BANK1: variants seen among roughly 807,000 people sequenced by gnomAD.
BANK1 encodes B cell scaffold protein with ankyrin repeats 1.
Under a neutral mutation model 94.5 loss-of-function variants are expected in BANK1, and 95 were observed. The ratio of observed to expected loss-of-function variants is 1.00; its 90% CI spans 0.85 to 1.19. BANK1 has a LOEUF of 1.19. BANK1 is among the 50% of genes most tolerant of loss of function. The probability of loss-of-function intolerance (pLI) is 0.00; values close to 1 mark genes in which losing one functional copy is unlikely to be tolerated. For missense variants in BANK1, 987 were observed against 932.2 expected (o/e 1.06, Z -0.77); for synonymous variants, 334 against 308.4 (o/e 1.08, Z -0.87).
chr4:101,875,411 T>C (rs1728451071), intron 5 of BANK1, among the ~76,000 whole-genome samples: 1 of 152,200 alleles, frequency 6.6e-6, no homozygotes, highest in Non-Finnish European at 1.5e-5. Context: ...CTCACAGTTC[T>C]TGTGGCGGGA....
At chr4:101,948,747 G>A (rs998347652) in intron 7 of BANK1, among the ~76,000 whole-genome samples, 4 of 152,012 alleles carry the variant, frequency 2.6e-5, no homozygotes, top group African/African-American at 9.7e-5. Flanking sequence ...CTACTAATGT[G>A]TAAGAAACAT....
chr4:101,944,281 A>G (rs893016107), intron 7 of BANK1, among the ~76,000 whole-genome samples: 1 of 151,906 alleles, frequency 6.6e-6, no homozygotes, highest in African/African-American at 2.4e-5. Flanking sequence ...AAGAGTGTGT[A>G]AAACTATAGT....
At chr4:101,794,263 C>T (rs1725082703) in intron 1 of BANK1, among the ~76,000 whole-genome samples, 1 of 151,870 alleles carries the variant, frequency 6.6e-6, no homozygotes, top group Admixed American at 6.6e-5. Flanking sequence ...AAATAAGCAT[C>T]AAACAGAAAA....
At chr4:101,902,878 G>T (rs1194244851) in intron 6 of BANK1, among the ~76,000 whole-genome samples, 1 of 152,218 alleles carries the variant, frequency 6.6e-6, no homozygotes, top group African/African-American at 2.4e-5. Context: ...TGTGAGTGAT[G>T]TAAAAAGGGT....
intron 10 of BANK1, among the ~76,000 whole-genome samples, chr4:102,043,609 G>A (rs537209296): frequency 6.6e-6 from 1 of 152,148 alleles, no homozygotes; most frequent in East Asian, 1.9e-4. Flanking sequence ...ATGAGGCATT[G>A]CATCAGCATT....
intron 6 of BANK1, among the ~76,000 whole-genome samples, chr4:101,896,692 G>A (rs72916123): frequency 4.8e-4 from 73 of 151,648 alleles, no homozygotes; most frequent in African/African-American, 1.7e-3. Context: ...AATTTAATTG[G>A]AAAAACAAAT....
At chr4:101,917,720 A>G (rs1428250901) in intron 6 of BANK1, among the ~76,000 whole-genome samples, 7 of 151,190 alleles carry the variant, frequency 4.6e-5, no homozygotes, top group Admixed American at 4.6e-4. Flanking sequence ...TTTTTTTTTC[A>G]TTTAAGAGGT....
chr4:101,976,926 T>A (rs1461484112), intron 7 of BANK1: 1 of 152,162 alleles, frequency 6.6e-6, no homozygotes, highest in Non-Finnish European at 1.5e-5. Flanking sequence ...TTTATTTCTA[T>A]TATAACAAAA....
chr4:101,998,700 A>T (rs1725961392), intron 7 of BANK1, among the ~76,000 whole-genome samples: 1 of 152,162 alleles, frequency 6.6e-6, no homozygotes, highest in African/African-American at 2.4e-5. Context: ...TTGTTGGTCT[A>T]AAGTCCATTT....
At chr4:101,949,249 C>T (rs1416647755) in intron 7 of BANK1, among the ~76,000 whole-genome samples, 1 of 152,124 alleles carries the variant, frequency 6.6e-6, no homozygotes, top group South Asian at 2.1e-4. Context: ...GACATGTTAT[C>T]TTGAAGAACA....
intron 7 of BANK1, among the ~76,000 whole-genome samples, chr4:101,977,968 TTTG>T (rs1328691519): frequency 2.0e-5 from 3 of 151,944 alleles, no homozygotes; most frequent in African/African-American, 4.8e-5. Flanking sequence ...TGTTTGTTTG[TTTG>T]TTTGTTTTTT....
intron 5 of BANK1, among the ~76,000 whole-genome samples, chr4:101,888,779 ATTAG>A (rs546790414): frequency 3.0e-4 from 45 of 152,244 alleles, no homozygotes; most frequent in African/African-American, 1.1e-3. Context: ...AGTTATTACT[ATTAG>A]TTAAACTGTT....
intron 7 of BANK1, among the ~76,000 whole-genome samples, chr4:102,018,820 CTT>C (rs1199831397): frequency 9.3e-5 from 13 of 140,496 alleles, no homozygotes; most frequent in Non-Finnish European, 1.1e-4. Flanking sequence ...TCTTTCTTTC[CTT>C]TTTTTTTTTT....
intron 7 of BANK1, among the ~76,000 whole-genome samples, chr4:101,989,998 A>C (rs1195075868): frequency 6.6e-6 from 1 of 152,108 alleles, no homozygotes; most frequent in Non-Finnish European, 1.5e-5. Flanking sequence ...ATATCATGTG[A>C]AGTGGTGATA....
At chr4:101,847,736 TACACACACACACACACACAC>T (rs35196238) in intron 2 of BANK1, among the ~76,000 whole-genome samples, 2 of 145,880 alleles carry the variant, frequency 1.4e-5, no homozygotes, top group Admixed American at 6.9e-5. Flanking sequence ...TATTCCATCA[TACACACACACACACACACAC>T]ACACACACAC....
At chr4:101,927,474 G>C (rs971885028) in intron 7 of BANK1, among the ~76,000 whole-genome samples, 1 of 151,536 alleles carries the variant, frequency 6.6e-6, no homozygotes, top group Non-Finnish European at 1.5e-5. Context: ...ATTGATCACA[G>C]ACCATACAGG....
At position 101,967,823 on chromosome 4, in the gene BANK1, G is replaced by A. The variant is rs1051339795; in HGVS notation, c.1206+49634G>A. Among the ~76,000 whole-genome samples, 6 of 152,052 alleles carry A rather than the reference G, an allele frequency of 3.9e-5. No homozygotes were observed. In the South Asian group the frequency reaches 8.3e-4, roughly 21 times the overall value. ...AATAAAAAGAAGAAGAGTATTAGAA[G>A]AAGTGAGGTTGAAATTAAACAGCCA... On this transcript the variant is annotated intron_variant, in intron 7 of 16. Transcript: ENST00000322953.
chr4:101,995,792 G>T (rs1214019613), intron 7 of BANK1, among the ~76,000 whole-genome samples: 1 of 152,038 alleles, frequency 6.6e-6, no homozygotes, highest in Non-Finnish European at 1.5e-5. Flanking sequence ...TGATGGGGTT[G>T]TTTGTTTCAT....
chr4:101,871,624 G>A (rs1203722695), intron 5 of BANK1, among the ~76,000 whole-genome samples: 2 of 152,128 alleles, frequency 1.3e-5, no homozygotes, highest in Non-Finnish European at 2.9e-5. Flanking sequence ...TCAAAATGGA[G>A]AGTCTGAGGA....
Sources: allele counts gnomAD v4.1 joint callset (sites outside exome capture counted in the v4.1 genomes callset), GRCh38; gene constraint gnomAD v4.1.1; transcripts MANE v1.5; gene names NCBI Gene and HGNC (gene_info 2026-07-23, HGNC 2026-07-21).